JAKMIP2: variants seen among roughly 807,000 people sequenced by gnomAD.
JAKMIP2 encodes janus kinase and microtubule-interacting protein 2.
In JAKMIP2, 25 loss-of-function variants were observed where a neutral mutation model predicts 115.0. The ratio of observed to expected loss-of-function variants is 0.22; its 90% confidence interval spans 0.16 to 0.30. The LOEUF (loss-of-function observed/expected upper bound fraction) is 0.30, where lower values mean the gene tolerates loss of function less well. JAKMIP2 is among the 10% of genes least tolerant of loss of function. The pLI is 1.00. For synonymous variants in JAKMIP2, 334 were observed against 343.6 expected, an observed-to-expected ratio of 0.97 and a Z score of 0.31; for missense variants, 642 against 957.6, an observed-to-expected ratio of 0.67 and a Z score of 4.35.
chr5:147,605,603 G>A (rs1280368939), intron 20 of JAKMIP2, among the ~76,000 whole-genome samples: 4 of 152,106 alleles, frequency 2.6e-5, no homozygotes, highest in African/African-American at 4.8e-5. Context: ...ATAAACATAC[G>A]TGTGCATAGG....
At chr5:147,735,052 G>A (rs935426369) in intron 1 of JAKMIP2, among the ~76,000 whole-genome samples, 1 of 152,152 alleles carries the variant, frequency 6.6e-6, no homozygotes, top group Non-Finnish European at 1.5e-5. Flanking sequence ...ACACCTGAAA[G>A]TGGTATTCCT....
chr5:147,736,870 A>G (rs1187971661), intron 1 of JAKMIP2, among the ~76,000 whole-genome samples: 2 of 152,168 alleles, frequency 1.3e-5, no homozygotes, highest in South Asian at 4.2e-4. Flanking sequence ...GAGGTTTTCT[A>G]CAATAGACAT....
At chr5:147,654,761 T>A (rs1322341525) in intron 3 of JAKMIP2, among the ~76,000 whole-genome samples, 1 of 152,018 alleles carries the variant, frequency 6.6e-6, no homozygotes. Context: ...TGACTAGGAG[T>A]GGTGAGAGAG....
intron 16 of JAKMIP2, among the ~76,000 whole-genome samples, 170 bp from the exon 17 acceptor site, chr5:147,623,859 C>T (rs113489081): frequency 0.017 from 2,638 of 152,138 alleles, 82 homozygotes; most frequent in East Asian, 0.13. Context: ...GTTTTTGAAA[C>T]GGAATCTCGC....
chr5:147,613,429 G>A (rs1292508305), intron 19 of JAKMIP2, among the ~76,000 whole-genome samples: 1 of 152,186 alleles, frequency 6.6e-6, no homozygotes, highest in Non-Finnish European at 1.5e-5. Context: ...AACTTGGAAA[G>A]CATATCTCCT....
chr5:147,743,094 T>C (rs551031180), intron 1 of JAKMIP2, among the ~76,000 whole-genome samples: 1 of 152,232 alleles, frequency 6.6e-6, no homozygotes, highest in Non-Finnish European at 1.5e-5. Flanking sequence ...TAAATGAGTT[T>C]GTTCCATGTT....
At chr5:147,620,955 G>A (rs1756820159) in intron 17 of JAKMIP2, among the ~76,000 whole-genome samples, 1 of 152,128 alleles carries the variant, frequency 6.6e-6, no homozygotes, top group Non-Finnish European at 1.5e-5. Flanking sequence ...AAGATATAAT[G>A]AAAAATCCAC....
At chr5:147,607,862 G>T (rs1249723631) in intron 20 of JAKMIP2, among the ~76,000 whole-genome samples, 1 of 152,096 alleles carries the variant, frequency 6.6e-6, no homozygotes, top group African/African-American at 2.4e-5. Flanking sequence ...ACTTCTTATT[G>T]GTCTATTCAG....
chr5:147,723,378 T>G (rs979337575), intron 1 of JAKMIP2, among the ~76,000 whole-genome samples: 1 of 152,066 alleles, frequency 6.6e-6, no homozygotes, highest in African/African-American at 2.4e-5. Flanking sequence ...TTAAAGACAT[T>G]TTTCAAAGAG....
intron 1 of JAKMIP2, among the ~76,000 whole-genome samples, chr5:147,689,983 A>T (rs1184953676): frequency 6.6e-6 from 1 of 152,240 alleles, no homozygotes. Flanking sequence ...GAGAGACTTC[A>T]TGACGATCTA....
intron 2 of JAKMIP2, among the ~76,000 whole-genome samples, chr5:147,663,173 A>G (rs1759120666): frequency 6.6e-6 from 1 of 152,124 alleles, no homozygotes; most frequent in Non-Finnish European, 1.5e-5. Flanking sequence ...CTGTAATATA[A>G]AGTGTCTGTG....
At chr5:147,617,850 C>T (rs1756663430) in intron 19 of JAKMIP2, 61 bp downstream of exon 19, 32 of 1,309,306 alleles carry the variant, frequency 2.4e-5, no homozygotes, top group Non-Finnish European at 3.5e-5. Context: ...TACCGTGTAC[C>T]TAGTACTAAG....
chr5:147,734,748 T>C (rs1349401348), intron 1 of JAKMIP2, among the ~76,000 whole-genome samples: 1 of 152,156 alleles, frequency 6.6e-6, no homozygotes, highest in Non-Finnish European at 1.5e-5. Context: ...CTTTTGCATG[T>C]AAGGTTATTG....
intron 1 of JAKMIP2, among the ~76,000 whole-genome samples, chr5:147,737,026 C>T (rs1753951771): frequency 6.6e-6 from 1 of 152,082 alleles, no homozygotes; most frequent in Non-Finnish European, 1.5e-5. Context: ...CGTTCAAGAA[C>T]ACAAATTTAG....
intron 1 of JAKMIP2, among the ~76,000 whole-genome samples, chr5:147,692,067 C>A (rs1751882450): frequency 6.6e-6 from 1 of 152,092 alleles, no homozygotes; most frequent in Non-Finnish European, 1.5e-5. Flanking sequence ...ATGTTTAAGT[C>A]CTAACTCCCA....
chr5:147,742,598 G>C (rs1754191380), intron 1 of JAKMIP2, among the ~76,000 whole-genome samples: 1 of 152,124 alleles, frequency 6.6e-6, no homozygotes, highest in Non-Finnish European at 1.5e-5. Flanking sequence ...AAAAGAAAAA[G>C]TCCAGCAAGA....
intron 1 of JAKMIP2, among the ~76,000 whole-genome samples, chr5:147,740,223 A>G (rs779761115): frequency 6.6e-6 from 1 of 152,244 alleles, no homozygotes; most frequent in Non-Finnish European, 1.5e-5. Context: ...GCCAAACAAT[A>G]TGAAAAGTGG....
At chr5:147,695,422 G>A (rs1252940842) in intron 1 of JAKMIP2, among the ~76,000 whole-genome samples, 3 of 152,148 alleles carry the variant, frequency 2.0e-5, no homozygotes, top group African/African-American at 7.2e-5. Flanking sequence ...GCTTCTGTTA[G>A]TCTGCAGCTT....
In JAKMIP2 at chr5:147,591,372, T is replaced by C. The variant is rs1398855133; in HGVS notation, c.*335A>G. 3 of 353,232 alleles carry C rather than the reference T, an allele frequency of 8.5e-6. No homozygotes were observed. The highest frequency in any genetic ancestry group is 1.5e-5 in the Non-Finnish European group (3 of 196,800). The allele number at this position is 353,232 out of a possible 1,614,324, so 21.9% of individuals were successfully genotyped here. On this transcript the variant is annotated 3_prime_UTR_variant, in exon 22 of 22. Transcript: ENST00000616793. ...TTTGGTTCCATGCCCAAGACACATC[T>C]TTGCTTGATCTGCAGAAACTAGTTC... is the stretch of plus-strand genomic sequence containing the variant.
Sources: gnomAD v4.1 joint callset for allele counts (sites outside exome capture counted in the v4.1 genomes callset) on GRCh38, gnomAD v4.1.1 for gene constraint, MANE v1.5 for transcripts, NCBI Gene and HGNC (gene_info 2026-07-23, HGNC 2026-07-21) for gene names.